Variants in CPNE3 observed in about 807,000 individuals in gnomAD.
CPNE3 encodes copine-3.
A neutral mutation model predicts 63.9 loss-of-function variants in CPNE3; 68 were observed. The observed-to-expected ratio is 1.06, with a 90% CI of 0.87 to 1.30. The LOEUF (loss-of-function observed/expected upper bound fraction) is 1.30, where lower values mean the gene tolerates loss of function less well. CPNE3 is among the 50% of genes most tolerant of loss of function. The pLI, the probability that CPNE3 is intolerant of heterozygous loss-of-function variation, is 0.00. For missense variants in CPNE3, 665 were observed against 578.1 expected (o/e 1.15, Z -1.54); for synonymous variants, 219 against 197.5 (o/e 1.11, Z -0.91).
intron 5 of CPNE3, 146 bp downstream of exon 5, chr8:86,531,375 A>G (rs1354856781): frequency 4.7e-6 from 3 of 640,462 alleles, no homozygotes; most frequent in Non-Finnish European, 8.6e-6. Flanking sequence ...TCTTGTAGTT[A>G]TCACAAATGG....
At chr8:86,531,264 A>G (rs746149003) in intron 5 of CPNE3, 35 bp downstream of exon 5, 17 of 902,116 alleles carry the variant, frequency 1.9e-5, no homozygotes, top group Non-Finnish European at 3.8e-6. Context: ...GTCTCAAAAG[A>G]TTTAGCATAA....
rs138295134 is a variant in CPNE3 at position 86,558,348 on chromosome 8, T to C, written c.1552T>C (p.Tyr518His). Reference sequence around the variant, plus strand: ...AGAGATTCCCCAGCAGGTGGTGGGCTACTTCAATACATACAAACTCCTTCC... The same window carrying C: ...AGAGATTCCCCAGCAGGTGGTGGGCCACTTCAATACATACAAACTCCTTCC... ...LAEIPQQVVGYFNTYKLLPPK... is the reference protein window; with the variant it reads ...LAEIPQQVVGHFNTYKLLPPK... Residue 518 changes from tyrosine to histidine, a missense_variant, in exon 17 of 17, where the codon TAC becomes CAC. By Grantham distance (83) the Tyr-to-His change is moderately conservative. Transcript: ENST00000517490. 1.1e-6 allele frequency: 1 copy of C among 872,972 alleles called. No individual in the cohort carries two copies. The highest frequency in any genetic ancestry group is 2.4e-5 in the East Asian group (1 of 41,700). 54.1% of individuals were successfully genotyped at this position (872,972 alleles called of 1,614,324 possible).
chr8:86,540,996 C>G (rs1366379227), intron 8 of CPNE3, among the ~76,000 whole-genome samples: 14 of 152,086 alleles, frequency 9.2e-5, no homozygotes, highest in Admixed American at 9.2e-4. Context: ...CATACATATA[C>G]ATAAAAGAAA....
In CPNE3 at chr8:86,535,623, G is replaced by A. The variant is rs1160638253; in HGVS notation, c.460-1940G>A. Among the ~76,000 whole-genome samples, 7 of 152,050 alleles carry A rather than the reference G, an allele frequency of 4.6e-5. No homozygotes were observed. In the South Asian group the frequency reaches 8.3e-4, roughly 18 times the overall value. The stretch of plus-strand genomic sequence containing the variant: ...GGGGAGGTTACAGTGAGCCGGGATC[G>A]TACCACTACACTCCAGCCTGGGTGA... On this transcript the variant is annotated intron_variant, in intron 6 of 16. Transcript: ENST00000517490.
At chr8:86,547,381 T>G in intron 10 of CPNE3, 1 of 193,998 alleles carries the variant, frequency 5.2e-6, no homozygotes, top group Non-Finnish European at 1.0e-5. Context: ...TGGAATGGAG[T>G]TTTTGTTTTT....
chr8:86,527,343 G>C (rs1338339965), intron 2 of CPNE3, among the ~76,000 whole-genome samples: 2 of 152,028 alleles, frequency 1.3e-5, no homozygotes, highest in Admixed American at 1.3e-4. Context: ...TCATTCCCTG[G>C]GTTCATGGAT....
intron 2 of CPNE3, among the ~76,000 whole-genome samples, chr8:86,523,768 T>TAGAGAC (rs1820483451): frequency 6.6e-6 from 1 of 152,138 alleles, no homozygotes; most frequent in Non-Finnish European, 1.5e-5. Context: ...GTATATTTAG[T>TAGAGAC]AGAGACAGGG....
intron 2 of CPNE3, among the ~76,000 whole-genome samples, chr8:86,519,042 A>G (rs1426095849): frequency 6.6e-6 from 1 of 152,180 alleles, no homozygotes; most frequent in Non-Finnish European, 1.5e-5. Context: ...GATTATAAGC[A>G]TCAGCCACCG....
chr8:86,526,797 C>A (rs1204095371), intron 2 of CPNE3, among the ~76,000 whole-genome samples: 1 of 152,212 alleles, frequency 6.6e-6, no homozygotes, highest in Non-Finnish European at 1.5e-5. Context: ...CAGGTGTGAG[C>A]TGCCGTGCCC....
At chr8:86,544,915 T>A in intron 9 of CPNE3, 77 bp downstream of exon 9, 1 of 812,156 alleles carries the variant, frequency 1.2e-6, no homozygotes, top group Non-Finnish European at 1.9e-6. Context: ...TTTTTTCCCA[T>A]AGCATCAAAC....
At chr8:86,522,544 G>A (rs543208455) in intron 2 of CPNE3, among the ~76,000 whole-genome samples, 12 of 106,486 alleles carry the variant, frequency 1.1e-4, no homozygotes, top group Middle Eastern at 5.3e-3. Flanking sequence ...CCTGACGCCC[G>A]CTGCTTTTTT....
intron 6 of CPNE3, 58 bp from the exon 7 acceptor site, chr8:86,537,505 C>G: frequency 9.6e-7 from 1 of 1,043,368 alleles, no homozygotes; most frequent in East Asian, 2.4e-5. Context: ...TATGGTCACA[C>G]ATGGTTTCAT....
chr8:86,522,322 G>A (rs1226435902), intron 2 of CPNE3, among the ~76,000 whole-genome samples: 1 of 151,994 alleles, frequency 6.6e-6, no homozygotes, highest in Non-Finnish European at 1.5e-5. Flanking sequence ...CTCACTTTTG[G>A]AACACCTAGA....
In CPNE3 at chr8:86,519,572, C is replaced by A. The variant is rs765484207; in HGVS notation, c.-11+4073C>A. Among the ~76,000 whole-genome samples, 79 of 152,174 alleles carry A rather than the reference C, an allele frequency of 5.2e-4. 1 individual carries two copies. Among genetic ancestry groups the A allele is most frequent in the Non-Finnish European group, 1.2e-4 (8 of 68,030 alleles). ...TCATGGATGCTAATAAAATTTATTT[C>A]CTTATTGTGCTGCATCTACTTAATA... On this transcript the variant is annotated intron_variant, in intron 2 of 16. Transcript: ENST00000517490.
chr8:86,552,540 G>GT (rs1258051293), intron 14 of CPNE3, among the ~76,000 whole-genome samples: 1 of 152,126 alleles, frequency 6.6e-6, no homozygotes, highest in East Asian at 1.9e-4. Context: ...CAGTCACTCT[G>GT]TGAGTAATGT....
In CPNE3 at chr8:86,554,947, G is replaced by A. The variant is rs141184344; in HGVS notation, c.1217G>A (p.Arg406Lys). Residue 406 changes from arginine (R) to lysine (K), a missense_variant, in exon 15 of 17, where the codon AGG becomes AAG. Transcript: ENST00000517490. The part of the protein sequence containing the change: ...NFSPIINHVA[R>K]FAAAATQQQT... Reference sequence around the variant, plus strand: ...TCTCCAATCATAAATCACGTGGCCAGGTTTGCTGCTGCAGCCACGCAACAG... The same window carrying A: ...TCTCCAATCATAAATCACGTGGCCAAGTTTGCTGCTGCAGCCACGCAACAG... The A allele has an allele frequency of 3.0e-5, 48 of 1,614,020 alleles. No homozygotes were observed. Among genetic ancestry groups the A allele is most frequent in the Non-Finnish European group, 3.9e-5 (46 of 1,180,020 alleles).
At chr8:86,519,690 A>G (rs1455493996) in intron 2 of CPNE3, among the ~76,000 whole-genome samples, 3 of 152,188 alleles carry the variant, frequency 2.0e-5, no homozygotes, top group Non-Finnish European at 4.4e-5. Context: ...AGAAGTTTCT[A>G]GATACATTTT....
intron 12 of CPNE3, 140 bp downstream of exon 12, chr8:86,548,574 A>G (rs1273562599): frequency 7.6e-6 from 8 of 1,047,070 alleles, no homozygotes; most frequent in Middle Eastern, 2.1e-4. Flanking sequence ...CTTATCTTCT[A>G]TTTTTCTCCT....
intron 9 of CPNE3, 44 bp downstream of exon 9, chr8:86,544,882 A>C (rs367663012): frequency 1.7e-6 from 2 of 1,211,146 alleles, no homozygotes; most frequent in African/African-American, 1.6e-5. Flanking sequence ...TAGTTTGGCT[A>C]TGTATTTATT....
Sources: gnomAD v4.1 joint callset for allele counts (sites outside exome capture counted in the v4.1 genomes callset) on GRCh38, gnomAD v4.1.1 for gene constraint, MANE v1.5 for transcripts, NCBI Gene and HGNC (gene_info 2026-07-23, HGNC 2026-07-21) for gene names.